Variants in ANKS1B observed in about 807,000 individuals in gnomAD.
The protein encoded by ANKS1B is ankyrin repeat and sterile alpha motif domain containing 1B, also known as ankyrin repeat and sterile alpha motif domain-containing protein 1B.
ANKS1B carries 36 observed loss-of-function variants against 148.3 expected under a neutral mutation model. The ratio of observed to expected loss-of-function variants is 0.24; its 90% CI spans 0.19 to 0.32. The LOEUF is 0.32. Among genes scored for constraint, ANKS1B ranks in the 10% least tolerant of loss-of-function variants. The pLI, the probability that ANKS1B is intolerant of heterozygous loss-of-function variation, is 1.00. For missense variants in ANKS1B, 1,157 were observed against 1,542.6 expected (o/e 0.75, Z 4.19); for synonymous variants, 542 against 560.8 (o/e 0.97, Z 0.47).
chr12:98,914,006 T>C (rs1433047150), intron 17 of ANKS1B, among the ~76,000 whole-genome samples: 1 of 152,194 alleles, frequency 6.6e-6, no homozygotes, highest in Non-Finnish European at 1.5e-5. Context: ...TTATCTCTCA[T>C]TGCTTCCTTT....
At chr12:99,183,665 C>T (rs1414349891) in intron 14 of ANKS1B, among the ~76,000 whole-genome samples, 1 of 152,046 alleles carries the variant, frequency 6.6e-6, no homozygotes, top group Non-Finnish European at 1.5e-5. Context: ...ACAATAACAA[C>T]AACAAATCAT....
chr12:98,808,715 G>T (rs940499469), intron 19 of ANKS1B, among the ~76,000 whole-genome samples: 1 of 152,162 alleles, frequency 6.6e-6, no homozygotes, highest in African/African-American at 2.4e-5. Flanking sequence ...AGGAGTTACA[G>T]TAGAAACCTT....
intron 14 of ANKS1B, among the ~76,000 whole-genome samples, chr12:99,191,851 T>G (rs751477062): frequency 3.9e-5 from 6 of 151,958 alleles, no homozygotes; most frequent in South Asian, 2.1e-4. Flanking sequence ...ATAAAAGAAT[T>G]GGCTGGGTGC....
In ANKS1B at chr12:99,122,997, A is replaced by AAT. The variant is rs1555271767; in HGVS notation, c.2526+31290_2526+31291dup. Reference sequence around the variant, plus strand: ...AATAAATCAGTAAAATTAAAAAAAAAATATATATATATATATAAACATGTA... The same window carrying AAT: ...AATAAATCAGTAAAATTAAAAAAAAAATATATATATATATATATAAACATGTA... On this transcript the variant is annotated intron_variant, in intron 15 of 26. Transcript: ENST00000683438. Among the ~76,000 whole-genome samples the AAT allele has an allele frequency of 4.7e-4, 66 of 141,668 alleles. 1 individual carries two copies. Among genetic ancestry groups the AAT allele is most frequent in the South Asian group, 1.4e-3 (6 of 4,432 alleles). The allele number at this position is 141,668 out of a possible 152,430, so 92.9% of individuals were successfully genotyped here. A position where few individuals can be genotyped will look rare whatever the true frequency, so the allele number is the denominator to read the frequency against.
intron 15 of ANKS1B, among the ~76,000 whole-genome samples, chr12:99,103,317 C>T (rs2058420486): frequency 6.6e-6 from 1 of 152,156 alleles, no homozygotes; most frequent in African/African-American, 2.4e-5. Flanking sequence ...TCTAGTCTTA[C>T]CTTGACGCCC....
At chr12:99,175,643 TA>T (rs563383139) in intron 14 of ANKS1B, among the ~76,000 whole-genome samples, 58 of 152,192 alleles carry the variant, frequency 3.8e-4, no homozygotes, top group African/African-American at 1.3e-3. Flanking sequence ...TACTTCATAG[TA>T]AAAAATAGGA....
intron 17 of ANKS1B, among the ~76,000 whole-genome samples, chr12:98,998,506 AC>A (rs2099931030): frequency 6.6e-6 from 1 of 152,250 alleles, no homozygotes; most frequent in Non-Finnish European, 1.5e-5. Flanking sequence ...AAGTAAGACA[AC>A]ATATTTCTTC....
chr12:99,078,612 G>A (rs2048596129), intron 16 of ANKS1B, among the ~76,000 whole-genome samples: 1 of 152,120 alleles, frequency 6.6e-6, no homozygotes, highest in Admixed American at 6.5e-5. Flanking sequence ...GATGGCCCAA[G>A]GAAATAAAGG....
At chr12:99,800,945 T>C (rs2066874159) in intron 4 of ANKS1B, among the ~76,000 whole-genome samples, 1 of 152,092 alleles carries the variant, frequency 6.6e-6, no homozygotes, top group Admixed American at 6.6e-5. Flanking sequence ...TACTAAGCCC[T>C]GGGACACTCC....
intron 1 of ANKS1B, among the ~76,000 whole-genome samples, chr12:99,922,133 T>A (rs1197878691): frequency 6.6e-6 from 1 of 152,140 alleles, no homozygotes; most frequent in Non-Finnish European, 1.5e-5. Flanking sequence ...ATTAAATACA[T>A]TAACATATAA....
At chr12:98,912,686 G>A (rs538023024) in intron 17 of ANKS1B, among the ~76,000 whole-genome samples, 1 of 152,326 alleles carries the variant, frequency 6.6e-6, no homozygotes, top group Non-Finnish European at 1.5e-5. Context: ...GTGCTAACAA[G>A]TCTTCATTTT....
At chr12:99,840,540 G>A (rs957966333) in intron 1 of ANKS1B, among the ~76,000 whole-genome samples, 4 of 152,016 alleles carry the variant, frequency 2.6e-5, no homozygotes, top group African/African-American at 7.2e-5. Context: ...AGATGATGAC[G>A]GCTTAGAGCA....
Position 99,773,100 on chromosome 12 carries a change from A to T in ANKS1B, c.962-12T>A. 1 of 1,587,170 alleles carries T rather than the reference A, an allele frequency of 6.3e-7. No homozygotes were observed. On this transcript the variant is annotated splice_polypyrimidine_tract_variant and intron_variant, in intron 7 of 26. Transcript: ENST00000683438. ...AGTGACGGTTTCACCTATGAGAATA[A>T]TTTTTTCAGAAGTTTCAAGAAAGGC...
At chr12:99,802,891 G>A (rs141513483) in intron 4 of ANKS1B, among the ~76,000 whole-genome samples, 202 of 147,450 alleles carry the variant, frequency 1.4e-3, no homozygotes, top group African/African-American at 4.3e-3. Flanking sequence ...CAGCCTGGGT[G>A]GCAGAATAAG....
At position 98,794,374 on chromosome 12, in the gene ANKS1B, A is replaced by T. The variant is rs149528043; in HGVS notation, c.3342+4560T>A. 1,176 of 228,012 alleles carry T rather than the reference A, an allele frequency of 5.2e-3. 27 individuals are homozygous for T. Among genetic ancestry groups the T allele is most frequent in the East Asian group, 0.051 (410 of 8,000 alleles). The allele number at this position is 228,012 out of a possible 1,614,324, so 14.1% of individuals were successfully genotyped here. A position where few individuals can be genotyped will look rare whatever the true frequency, so the allele number is the denominator to read the frequency against. ...ACCATTGCACTCCAGCCTGGGTGACAAGAGCGAAACTCTGTCTCAAAAAAA... is the reference window on the plus strand; with the variant it reads ...ACCATTGCACTCCAGCCTGGGTGACTAGAGCGAAACTCTGTCTCAAAAAAA... On this transcript the variant is annotated intron_variant, in intron 22 of 26. Transcript: ENST00000683438.
At chr12:99,933,263 T>C (rs2094672348) in intron 1 of ANKS1B, among the ~76,000 whole-genome samples, 1 of 152,176 alleles carries the variant, frequency 6.6e-6, no homozygotes, top group Admixed American at 6.5e-5. Context: ...TGGTTCCATA[T>C]AAATTTTAGG....
chr12:99,136,250 C>T (rs948611199), intron 15 of ANKS1B, among the ~76,000 whole-genome samples: 3 of 152,156 alleles, frequency 2.0e-5, no homozygotes, highest in African/African-American at 7.2e-5. Context: ...GCTTCCCACA[C>T]CCCACGAGTT....
intron 11 of ANKS1B, among the ~76,000 whole-genome samples, chr12:99,440,906 T>G (rs917764780): frequency 1.3e-5 from 2 of 151,888 alleles, no homozygotes; most frequent in African/African-American, 2.4e-5. Flanking sequence ...GAGATAAAAG[T>G]TCTGCCGTTA....
intron 12 of ANKS1B, among the ~76,000 whole-genome samples, chr12:99,351,093 T>C (rs893176392): frequency 3.3e-5 from 5 of 152,136 alleles, no homozygotes; most frequent in African/African-American, 1.2e-4. Flanking sequence ...GTAAGTATTT[T>C]GGAAAAAATC....
Sources: allele counts gnomAD v4.1 joint callset (sites outside exome capture counted in the v4.1 genomes callset), GRCh38; gene constraint gnomAD v4.1.1; transcripts MANE v1.5; gene names NCBI Gene and HGNC (gene_info 2026-07-23, HGNC 2026-07-21).